ZNF106: variants seen among roughly 807,000 people sequenced by gnomAD.
The protein encoded by ZNF106 is zinc finger protein 106, also known as SH3-domain binding protein 3.
In ZNF106, 67 loss-of-function variants were observed where a neutral mutation model predicts 195.1. The observed-to-expected ratio is 0.34, with a 90% CI of 0.28 to 0.42. ZNF106 has a LOEUF of 0.42. Ranked by LOEUF, ZNF106 falls within the 10% of genes least tolerant of loss-of-function variation. The pLI, the probability that ZNF106 is intolerant of heterozygous loss-of-function variation, is 1.00. For missense variants in ZNF106, 2,118 were observed against 2,304.5 expected (o/e 0.92, Z 1.66); for synonymous variants, 784 against 818.6 (o/e 0.96, Z 0.72).
chr15:42,431,590 A>G (rs532560831), intron 14 of ZNF106, among the ~76,000 whole-genome samples: 1 of 151,398 alleles, frequency 6.6e-6, no homozygotes, highest in Non-Finnish European at 1.5e-5. Flanking sequence ...TTGTTTATTT[A>G]TTTTTTGAGA....
rs200320816 is a variant in ZNF106, at chr15:42,439,201, A to G, written c.4376T>C (p.Val1459Ala). Residue 1459 changes from valine to alanine, a missense_variant, in exon 11 of 22, where the codon GTA becomes GCA. Coordinates refer to ENST00000564754, the MANE Select transcript of ZNF106 (RefSeq NM_001366845.3). The stretch of plus-strand genomic sequence containing the variant: ...TCCTGATTCTGAAGAATCAATGGCT[A>G]CTACTTCTAACTGAGGATTAGGAAT... ...LEIPNPQLEV[V>A]AIDSSESGEE... 6.2e-6 allele frequency: 10 copies of G among 1,613,986 alleles called. No individual in the cohort carries two copies. Among genetic ancestry groups the G allele is most frequent in the Non-Finnish European group, 8.5e-6 (10 of 1,180,032 alleles).
At chr15:42,435,272 A>C in intron 14 of ZNF106, 112 bp downstream of exon 14, 1 of 1,453,112 alleles carries the variant, frequency 6.9e-7, no homozygotes, top group African/African-American at 1.4e-5. Flanking sequence ...GTTTAGAAGC[A>C]AAAAGGAGAT....
intron 14 of ZNF106, 97 bp from the exon 15 acceptor site, chr15:42,428,231 T>C (rs969545351): frequency 8.5e-6 from 8 of 943,768 alleles, no homozygotes; most frequent in Non-Finnish European, 1.1e-5. Flanking sequence ...ATGACTCTTA[T>C]GCGGAAGAAA....
At chr15:42,427,900 T>C (rs1387542296) in intron 15 of ZNF106, 118 bp downstream of exon 15, 1 of 770,718 alleles carries the variant, frequency 1.3e-6, no homozygotes, top group Non-Finnish European at 2.2e-6. Flanking sequence ...TAGTGGCTAA[T>C]TCTGCTGCTT....
intron 2 of ZNF106, among the ~76,000 whole-genome samples, chr15:42,468,904 C>T (rs944192379): frequency 2.0e-5 from 3 of 150,872 alleles, no homozygotes; most frequent in South Asian, 2.1e-4. Context: ...TACACATCTT[C>T]GGTGGGGCAC....
Position 42,444,843 on chromosome 15 carries a change from A to T in ZNF106, c.3344T>A (p.Leu1115His). The change falls in exon 8 of 22, where the codon CTT (leucine) becomes CAT (histidine). Residue 1115 changes from leucine to histidine, a missense_variant. Leu to His is a moderately conservative substitution (Grantham distance 99). Coordinates refer to ENST00000564754, the MANE Select transcript of ZNF106 (RefSeq NM_001366845.3). ...TGCTGTTACCTGCTGCTTGAGCATAAGTAGCCTCTGAACTTCCACATAAGC... is the reference window on the plus strand; with the variant it reads ...TGCTGTTACCTGCTGCTTGAGCATATGTAGCCTCTGAACTTCCACATAAGC... ...QTAYVEVQRL[L>H]MLKQQITMEM... 6.2e-7 allele frequency: 1 copy of T among 1,614,010 alleles called. No individual in the cohort carries two copies.
At chr15:42,444,710 T>C (rs1458597649) in intron 8 of ZNF106, 117 bp downstream of exon 8, 23 of 1,338,200 alleles carry the variant, frequency 1.7e-5, no homozygotes, top group Non-Finnish European at 2.4e-5. Flanking sequence ...CTGGGGCACT[T>C]CCCTTGTGGA....
chr15:42,458,908 G>GT (rs776755260), intron 3 of ZNF106, among the ~76,000 whole-genome samples: 4 of 151,560 alleles, frequency 2.6e-5, no homozygotes, highest in Admixed American at 1.3e-4. Context: ...ACAATGCCCA[G>GT]TAAGTTTAAA....
intron 1 of ZNF106, among the ~76,000 whole-genome samples, chr15:42,486,070 G>A (rs1203357564): frequency 6.7e-6 from 1 of 149,978 alleles, no homozygotes; most frequent in Admixed American, 6.7e-5. Flanking sequence ...CGATTCTCCT[G>A]CCTCAGCCTC....
intron 20 of ZNF106, among the ~76,000 whole-genome samples, chr15:42,419,956 C>A (rs2054598786): frequency 6.6e-6 from 1 of 152,118 alleles, no homozygotes; most frequent in African/African-American, 2.4e-5. Flanking sequence ...TCTCAAAAAA[C>A]AAAACAAAAC....
intron 6 of ZNF106, among the ~76,000 whole-genome samples, chr15:42,447,137 AG>A (rs1367409457): frequency 6.6e-6 from 1 of 152,242 alleles, no homozygotes; most frequent in Non-Finnish European, 1.5e-5. Flanking sequence ...CACTACATAT[AG>A]CATCTAGCTC....
chr15:42,473,192 G>C (rs1020529027), intron 1 of ZNF106, among the ~76,000 whole-genome samples: 1 of 152,142 alleles, frequency 6.6e-6, no homozygotes, highest in Non-Finnish European at 1.5e-5. Flanking sequence ...GGGATGTTCA[G>C]CCAGTAAGTA....
At position 42,450,604 on chromosome 15, in the gene ZNF106, A is replaced by G. The variant is rs1487032228; in HGVS notation, c.1668T>C (p.Asp556=). The G allele has an allele frequency of 6.2e-7, 1 of 1,614,216 alleles. No homozygotes were observed. The highest frequency in any genetic ancestry group is 1.7e-5 in the Admixed American group (1 of 60,020). ...SQKQSGDNLN[D]TLRKAKEVLQ... ...GCACCTCTTTGGCCTTTCGTAAAGTATCATTTAAATTATCACCAGATTGCT... is the reference window on the plus strand; with the variant it reads ...GCACCTCTTTGGCCTTTCGTAAAGTGTCATTTAAATTATCACCAGATTGCT... The change falls in exon 5 of 22, where the codon GAT becomes GAC. Residue 556 remains aspartate (D), a synonymous_variant. Coordinates refer to ENST00000564754, the MANE Select transcript of ZNF106 (RefSeq NM_001366845.3).
chr15:42,475,072 G>T (rs932757751), intron 1 of ZNF106, among the ~76,000 whole-genome samples: 4 of 152,102 alleles, frequency 2.6e-5, no homozygotes, highest in Non-Finnish European at 4.4e-5. Context: ...GAGGCCTAAG[G>T]TTCTCCACTC....
intron 4 of ZNF106, among the ~76,000 whole-genome samples, chr15:42,455,345 C>T (rs2056191960): frequency 1.3e-5 from 2 of 152,136 alleles, no homozygotes; most frequent in Non-Finnish European, 2.9e-5. Context: ...ACCTTTTATA[C>T]ACAGTCTGAT....
At chr15:42,481,357 GTT>G (rs751618549) in intron 1 of ZNF106, among the ~76,000 whole-genome samples, 1,150 of 109,018 alleles carry the variant, frequency 0.011, 15 homozygotes, top group African/African-American at 0.037. Flanking sequence ...TTTTTTTGTT[GTT>G]TTTTTTTTTT....
intron 3 of ZNF106, among the ~76,000 whole-genome samples, chr15:42,457,955 C>T (rs1204572343): frequency 6.6e-6 from 1 of 152,110 alleles, no homozygotes; most frequent in East Asian, 1.9e-4. Flanking sequence ...TCTCACTTAG[C>T]CAGTCTTCAG....
rs766346627 is a variant in ZNF106, at chr15:42,437,389, G to C, written c.4601-12C>G. On this transcript the variant is annotated splice_polypyrimidine_tract_variant and intron_variant, in intron 12 of 21. Transcript: ENST00000564754. ...CTCTGAAGATATTTCTGGAAAACAA[G>C]AATAGGTTTCAGAGACATGTCTGCT... The C allele has an allele frequency of 1.9e-6, 3 of 1,612,652 alleles. No individual in the cohort carries two copies. The highest frequency in any genetic ancestry group is 2.5e-6 in the Non-Finnish European group (3 of 1,179,656).
Position 42,439,234 on chromosome 15 carries a change from A to T in ZNF106, c.4343T>A (p.Val1448Asp). 1 of 1,614,158 alleles carries T rather than the reference A, an allele frequency of 6.2e-7. No individual in the cohort carries two copies. Among genetic ancestry groups the T allele is most frequent in the Non-Finnish European group, 8.5e-7 (1 of 1,180,028 alleles). The change falls in exon 11 of 22, where the codon GTC (valine) becomes GAC (aspartate). Residue 1448 changes from valine to aspartate, a missense_variant. By Grantham distance (152) the Val-to-Asp change is radical (BLOSUM62 -3). Coordinates refer to ENST00000564754, the MANE Select transcript of ZNF106 (RefSeq NM_001366845.3). ...TAACTGAGGATTAGGAATTTCTAGGACTTCCAGAGACGAGTCACTATCTGG... is the reference window on the plus strand; with the variant it reads ...TAACTGAGGATTAGGAATTTCTAGGTCTTCCAGAGACGAGTCACTATCTGG... ...DEPDSDSSLE[V>D]LEIPNPQLEV... is the part of the protein sequence containing the mutation.
Sources: allele counts gnomAD v4.1 joint callset (sites outside exome capture counted in the v4.1 genomes callset), GRCh38; gene constraint gnomAD v4.1.1; transcripts MANE v1.5; gene names NCBI Gene and HGNC (gene_info 2026-07-23, HGNC 2026-07-21).